Variants in ZNRF3 observed in about 807,000 individuals in gnomAD.
ZNRF3 encodes the protein E3 ubiquitin-protein ligase ZNRF3.
ZNRF3 carries 23 observed loss-of-function variants against 72.5 expected under a neutral mutation model. The observed-to-expected ratio is 0.32, with a 90% confidence interval of 0.23 to 0.45. The LOEUF (loss-of-function observed/expected upper bound fraction) is 0.45, where lower values mean the gene tolerates loss of function less well. Ranked by LOEUF, ZNRF3 falls within the 20% of genes least tolerant of loss-of-function variation. The pLI, the probability that ZNRF3 is intolerant of heterozygous loss-of-function variation, is 1.00. For missense variants in ZNRF3, 1,169 were observed against 1,272.1 expected (o/e 0.92, Z 1.23); for synonymous variants, 610 against 545.3 (o/e 1.12, Z -1.65).
At chr22:28,936,400 C>G (rs1466292476) in intron 1 of ZNRF3, among the ~76,000 whole-genome samples, 2 of 152,176 alleles carry the variant, frequency 1.3e-5, no homozygotes, top group Admixed American at 1.3e-4. Flanking sequence ...GGTCTCCTGC[C>G]TTGACAAGGT....
chr22:28,907,753 T>C (rs368631987), intron 1 of ZNRF3, among the ~76,000 whole-genome samples: 1 of 152,222 alleles, frequency 6.6e-6, no homozygotes, highest in African/African-American at 2.4e-5. Context: ...GGTAGAACTT[T>C]TTCCCTGCCC....
intron 1 of ZNRF3, among the ~76,000 whole-genome samples, chr22:28,957,998 T>C (rs1304889016): frequency 6.6e-6 from 1 of 151,638 alleles, no homozygotes; most frequent in Non-Finnish European, 1.5e-5. Context: ...CCATCCTGGC[T>C]AACACGGTGA....
At chr22:29,013,311 A>G (rs2036376738) in intron 2 of ZNRF3, among the ~76,000 whole-genome samples, 1 of 152,202 alleles carries the variant, frequency 6.6e-6, no homozygotes, top group African/African-American at 2.4e-5. Flanking sequence ...GACTGTGAAG[A>G]GTATCCCTTC....
Position 29,014,873 on chromosome 22 carries a change from G to A in ZNRF3, c.427-27622G>A, listed in dbSNP as rs531664514. 2.6e-5 allele frequency among the ~76,000 whole-genome samples: 4 copies of A among 152,302 alleles called. No individual in the cohort carries two copies. The South Asian group carries it at 8.3e-4, about 32-fold the overall frequency. On this transcript the variant is annotated intron_variant, in intron 2 of 8. Coordinates refer to ENST00000544604, the MANE Select transcript of ZNRF3 (RefSeq NM_001206998.2). Reference sequence around the variant, plus strand: ...GGCTTTTCTCTGCATAGGCTGCCTCGAGCCAAGAGCTCAGAGTCAAGGTTC... The same window carrying A: ...GGCTTTTCTCTGCATAGGCTGCCTCAAGCCAAGAGCTCAGAGTCAAGGTTC...
chr22:29,007,990 A>G (rs1243956829), intron 2 of ZNRF3, among the ~76,000 whole-genome samples: 1 of 152,022 alleles, frequency 6.6e-6, no homozygotes, highest in South Asian at 2.1e-4. Flanking sequence ...TCCCAATCTC[A>G]GGTGATCCAC....
chr22:28,975,450 C>T (rs558331189), intron 1 of ZNRF3, among the ~76,000 whole-genome samples: 9 of 134,146 alleles, frequency 6.7e-5, no homozygotes, highest in East Asian at 2.2e-4. Context: ...TGTAGTGAGC[C>T]GAGATCGAGA....
rs192635533 is a variant in ZNRF3 at position 28,967,449 on chromosome 22, C to T, written c.301-19627C>T. Among the ~76,000 whole-genome samples, 150 of 152,280 alleles carry T rather than the reference C, an allele frequency of 9.9e-4. 3 individuals carry two copies. In the South Asian group the frequency reaches 0.022, roughly 23 times the overall value. ...ACATGACCCCTGTCATGAGGTGACA[C>T]GTAACTGTATTTAGGATTAAGGCTT... On this transcript the variant is annotated intron_variant, in intron 1 of 8. Coordinates refer to ENST00000544604, the MANE Select transcript of ZNRF3 (RefSeq NM_001206998.2).
chr22:29,022,617 C>A (rs1202029497), intron 2 of ZNRF3, among the ~76,000 whole-genome samples: 1 of 152,214 alleles, frequency 6.6e-6, no homozygotes, highest in Admixed American at 6.5e-5. Context: ...ACAACCCTGA[C>A]TTTTGTCAGC....
At chr22:28,996,131 G>T (rs2036042379) in intron 2 of ZNRF3, among the ~76,000 whole-genome samples, 1 of 152,078 alleles carries the variant, frequency 6.6e-6, no homozygotes, top group Admixed American at 6.6e-5. Flanking sequence ...TCGAGGCAGG[G>T]TCTTACTATG....
intron 1 of ZNRF3, among the ~76,000 whole-genome samples, chr22:28,961,810 T>G (rs1352083340): frequency 1.3e-5 from 2 of 152,226 alleles, no homozygotes; most frequent in African/African-American, 4.8e-5. Context: ...CCATGTTACT[T>G]GACCACCCAC....
chr22:28,937,009 C>T (rs1210194782), intron 1 of ZNRF3, among the ~76,000 whole-genome samples: 1 of 151,870 alleles, frequency 6.6e-6, no homozygotes, highest in African/African-American at 2.4e-5. Context: ...TGAGCTGCTA[C>T]TGCATACAGG....
intron 1 of ZNRF3, among the ~76,000 whole-genome samples, chr22:28,973,480 T>C (rs2035612121): frequency 6.6e-6 from 1 of 152,164 alleles, no homozygotes; most frequent in Non-Finnish European, 1.5e-5. Context: ...AGGACTGCCC[T>C]TCAGATGAGG....
chr22:29,003,310 A>C (rs2036184281), intron 2 of ZNRF3, among the ~76,000 whole-genome samples: 1 of 151,976 alleles, frequency 6.6e-6, no homozygotes, highest in South Asian at 2.1e-4. Context: ...AGGGCAGGAG[A>C]TAGAGACCAT....
At chr22:28,944,585 T>A (rs1014539380) in intron 1 of ZNRF3, among the ~76,000 whole-genome samples, 3 of 151,890 alleles carry the variant, frequency 2.0e-5, no homozygotes, top group Non-Finnish European at 4.4e-5. Context: ...CGAAACCCTG[T>A]CTCTACTAAA....
At chr22:28,931,560 G>A (rs929875092) in intron 1 of ZNRF3, among the ~76,000 whole-genome samples, 1 of 152,156 alleles carries the variant, frequency 6.6e-6, no homozygotes, top group African/African-American at 2.4e-5. Context: ...CTGTTAGACC[G>A]GCATTACTGT....
intron 1 of ZNRF3, among the ~76,000 whole-genome samples, chr22:28,974,540 T>C (rs921250118): frequency 6.6e-6 from 1 of 152,236 alleles, no homozygotes; most frequent in African/African-American, 2.4e-5. Context: ...AAATGAGTAG[T>C]AGAATCCAAA....
At chr22:28,928,490 CTTTTTT>C (rs10710766) in intron 1 of ZNRF3, among the ~76,000 whole-genome samples, 4 of 80,598 alleles carry the variant, frequency 5.0e-5, no homozygotes, top group African/African-American at 1.6e-4. Context: ...CCAGAAATGT[CTTTTTT>C]TTTTTTTTTT....
At chr22:29,007,556 C>T (rs777028618) in intron 2 of ZNRF3, among the ~76,000 whole-genome samples, 7 of 151,938 alleles carry the variant, frequency 4.6e-5, no homozygotes, top group East Asian at 1.9e-4. Flanking sequence ...ACAAGAGGAT[C>T]GTTTGAGGCT....
intron 1 of ZNRF3, among the ~76,000 whole-genome samples, chr22:28,912,662 CTTTT>C (rs138371253): frequency 8.4e-5 from 10 of 119,534 alleles, no homozygotes; most frequent in Admixed American, 9.3e-5. Flanking sequence ...TCTTTTCTTT[CTTTT>C]TTTTTTTTTT....
Sources: gnomAD v4.1 joint callset for allele counts (sites outside exome capture counted in the v4.1 genomes callset) on GRCh38, gnomAD v4.1.1 for gene constraint, MANE v1.5 for transcripts, NCBI Gene and HGNC (gene_info 2026-07-23, HGNC 2026-07-21) for gene names.